The following VIPR2 variants were observed in gnomAD, a reference collection of about 807,000 sequenced individuals.
VIPR2 encodes the protein vasoactive intestinal peptide receptor 2, also known as vasoactive intestinal polypeptide receptor 2.
VIPR2 carries 48 observed loss-of-function variants against 58.0 expected under a neutral mutation model. The observed-to-expected ratio is 0.83, with a 90% confidence interval of 0.66 to 1.05. VIPR2 has a LOEUF of 1.05. Ranked by LOEUF, VIPR2 falls within the 50% of genes least tolerant of loss-of-function variation. The pLI is 0.00. For synonymous variants in VIPR2, 243 were observed against 235.2 expected (o/e 1.03, Z -0.30); for missense variants, 534 against 558.0 (o/e 0.96, Z 0.43).
At chr7:159,107,674 G>A (rs1272053931) in intron 3 of VIPR2, among the ~76,000 whole-genome samples, 1 of 151,978 alleles carries the variant, frequency 6.6e-6, no homozygotes, top group African/African-American at 2.4e-5. Context: ...ACCTGAAGGA[G>A]CTGCCCGCTG....
At chr7:159,144,257 T>G in intron 1 of VIPR2, 1 of 1,331,052 alleles carries the variant, frequency 7.5e-7, no homozygotes, top group Non-Finnish European at 9.7e-7. Context: ...AAAGGAAACT[T>G]TATTTAACCG....
intron 4 of VIPR2, among the ~76,000 whole-genome samples, chr7:159,077,553 G>A (rs1019076368): frequency 6.6e-6 from 1 of 150,938 alleles, no homozygotes; most frequent in Non-Finnish European, 1.5e-5. Flanking sequence ...CAGTGTGCCT[G>A]TTATCAGATT....
intron 2 of VIPR2, among the ~76,000 whole-genome samples, chr7:159,130,337 G>A (rs1796847732): frequency 6.6e-6 from 1 of 152,178 alleles, no homozygotes; most frequent in Non-Finnish European, 1.5e-5. Context: ...TTCTGCTAAG[G>A]CACAGATATA....
At chr7:159,056,204 C>CA (rs1320325297) in intron 5 of VIPR2, among the ~76,000 whole-genome samples, 5 of 152,154 alleles carry the variant, frequency 3.3e-5, no homozygotes, top group Non-Finnish European at 1.5e-5. Context: ...TTGGTATCCA[C>CA]AGGGGATTGG....
chr7:159,090,572 T>C (rs1461051690), intron 4 of VIPR2, among the ~76,000 whole-genome samples: 72 of 106,612 alleles, frequency 6.8e-4, no homozygotes, highest in Non-Finnish European at 9.8e-4. Flanking sequence ...CCACCTCTTG[T>C]GACCATCACA....
At chr7:159,062,179 AAAC>A (rs1855716923) in intron 4 of VIPR2, among the ~76,000 whole-genome samples, 1 of 152,100 alleles carries the variant, frequency 6.6e-6, no homozygotes, top group Non-Finnish European at 1.5e-5. Context: ...GACGGGAGAA[AAAC>A]AGGGCAAGGA....
At chr7:159,046,231 T>C (rs548448230) in intron 5 of VIPR2, among the ~76,000 whole-genome samples, 10 of 152,066 alleles carry the variant, frequency 6.6e-5, no homozygotes, top group South Asian at 2.1e-4. Context: ...CTCCAAAGAG[T>C]TGGAAACAAG....
intron 2 of VIPR2, among the ~76,000 whole-genome samples, chr7:159,141,741 C>T (rs1047003462): frequency 6.6e-6 from 1 of 152,202 alleles, no homozygotes; most frequent in Non-Finnish European, 1.5e-5. Context: ...TAAAGCCCAC[C>T]ATCTGAGGCC....
At chr7:159,130,095 C>T (rs1295607667) in intron 2 of VIPR2, among the ~76,000 whole-genome samples, 3 of 152,384 alleles carry the variant, frequency 2.0e-5, no homozygotes, top group African/African-American at 7.2e-5. Flanking sequence ...CCTCTTGAAA[C>T]TACCTTCACA....
intron 5 of VIPR2, among the ~76,000 whole-genome samples, chr7:159,050,344 CACAAAAAA>C (rs1310131834): frequency 1.0e-5 from 1 of 99,840 alleles, no homozygotes; most frequent in African/African-American, 3.3e-5. Flanking sequence ...CTCAAAAAAA[CACAAAAAA>C]ACAAAAAAAA....
At chr7:159,048,009 T>C (rs1219050630) in intron 5 of VIPR2, among the ~76,000 whole-genome samples, 24 of 152,214 alleles carry the variant, frequency 1.6e-4, no homozygotes, top group Non-Finnish European at 1.5e-5. Flanking sequence ...TATGAAAAAT[T>C]ATGTGGAAAT....
At chr7:159,064,773 G>C (rs1855988501) in intron 4 of VIPR2, among the ~76,000 whole-genome samples, 1 of 152,194 alleles carries the variant, frequency 6.6e-6, no homozygotes, top group Non-Finnish European at 1.5e-5. Flanking sequence ...CATGACCCGG[G>C]GCCGCCTGTG....
intron 2 of VIPR2, among the ~76,000 whole-genome samples, chr7:159,135,866 A>T (rs1797197707): frequency 6.6e-6 from 1 of 152,180 alleles, no homozygotes; most frequent in Non-Finnish European, 1.5e-5. Context: ...GCATCAGCAA[A>T]TGTCAGCCGG....
chr7:159,128,260 C>T lies in VIPR2; in HGVS notation c.151+14186G>A, dbSNP rs1796729024. Among the ~76,000 whole-genome samples, 1 of 152,142 alleles carries T rather than the reference C, an allele frequency of 6.6e-6. No individual in the cohort carries two copies. ...GCTGCTGGGCCCTGGGATGTCTGCC[C>T]CATCCATACCTTGGGACCCAGCTCT... On this transcript the variant is annotated intron_variant, in intron 2 of 12. Coordinates refer to ENST00000262178, the MANE Select transcript of VIPR2 (RefSeq NM_003382.5). The surrounding 1 kb of genome is among the most constrained non-coding windows in gnomAD (Gnocchi z 4.1).
chr7:159,114,070 A>G (rs1263278272), intron 2 of VIPR2, among the ~76,000 whole-genome samples: 1 of 152,216 alleles, frequency 6.6e-6, no homozygotes, highest in Non-Finnish European at 1.5e-5. Context: ...GTGTATCATT[A>G]TATTAAGATA....
intron 4 of VIPR2, among the ~76,000 whole-genome samples, chr7:159,060,255 C>T (rs543367916): frequency 2.0e-5 from 3 of 150,400 alleles, no homozygotes; most frequent in South Asian, 2.1e-4. Flanking sequence ...CCACTCACCT[C>T]GCCTAACCAT....
Position 159,044,973 on chromosome 7 carries a change from G to T in VIPR2, c.456-1797C>A, listed in dbSNP as rs181653241. 7.6e-4 allele frequency among the ~76,000 whole-genome samples: 115 copies of T among 152,208 alleles called. 1 individual carries two copies. The highest frequency in any genetic ancestry group is 2.6e-3 in the African/African-American group (106 of 41,542). The stretch of plus-strand genomic sequence containing the variant: ...TAGAGATGGGGTGGGGTTTCGCAAC[G>T]TTGGCTAGGCTGATCTCAAACCTCT... On this transcript the variant is annotated intron_variant, in intron 5 of 12. Transcript: ENST00000262178.
At chr7:159,073,759 G>A (rs1039646724) in intron 4 of VIPR2, among the ~76,000 whole-genome samples, 3 of 152,076 alleles carry the variant, frequency 2.0e-5, no homozygotes, top group African/African-American at 7.2e-5. Context: ...GGTCTCATTA[G>A]AACAATTCCT....
At chr7:159,117,155 G>A (rs1010659694) in intron 2 of VIPR2, 18 of 615,436 alleles carry the variant, frequency 2.9e-5, no homozygotes, top group South Asian at 1.7e-4. Context: ...ACCACAGGAC[G>A]GAGTGCGGGA....
Sources: allele counts gnomAD v4.1 joint callset (sites outside exome capture counted in the v4.1 genomes callset), GRCh38; gene constraint gnomAD v4.1.1; non-coding constraint Gnocchi (gnomAD v3.1); transcripts MANE v1.5; gene names NCBI Gene and HGNC (gene_info 2026-07-23, HGNC 2026-07-21).